The following TP53BP2 variants were observed in gnomAD, a reference collection of about 807,000 sequenced individuals.
TP53BP2 encodes tumor protein p53 binding protein 2.
In TP53BP2, 62 loss-of-function variants were observed where a neutral mutation model predicts 126.2. The observed-to-expected ratio is 0.49, with a 90% CI of 0.40 to 0.61. The LOEUF (loss-of-function observed/expected upper bound fraction) is 0.61, where lower values mean the gene tolerates loss of function less well. TP53BP2 is among the 20% of genes least tolerant of loss of function. The probability of loss-of-function intolerance (pLI) is 0.00; values close to 1 mark genes in which losing one functional copy is unlikely to be tolerated. For synonymous variants in TP53BP2, 485 were observed against 502.9 expected (o/e 0.96, Z 0.48); for missense variants, 1,215 against 1,402.8 (o/e 0.87, Z 2.14).
At chr1:223,845,367 T>C (rs1664231222) in intron 1 of TP53BP2, 1 of 619,276 alleles carries the variant, frequency 1.6e-6, no homozygotes. Flanking sequence ...ACGAAAAGTT[T>C]GAGTGGCTGC....
intron 4 of TP53BP2, among the ~76,000 whole-genome samples, chr1:223,807,260 T>G (rs1347708092): frequency 6.6e-6 from 1 of 152,216 alleles, no homozygotes; most frequent in Non-Finnish European, 1.5e-5. Context: ...TTCTGTAATT[T>G]ATATTACAAC....
At position 223,797,762 on chromosome 1, in the gene TP53BP2, C is replaced by CAT. The variant is rs139552611; in HGVS notation, c.1948+451_1948+452dup. Reference sequence around the variant, plus strand: ...ACAGACACACACATACAGAGACACACATATATATATGTGTGTGATGTGTGT... The same window carrying CAT: ...ACAGACACACACATACAGAGACACACATATATATATATGTGTGTGATGTGTGT... On this transcript the variant is annotated intron_variant, in intron 12 of 17. Coordinates refer to ENST00000343537, the MANE Select transcript of TP53BP2 (RefSeq NM_001031685.3). 4.6e-3 allele frequency among the ~76,000 whole-genome samples: 689 copies of CAT among 150,416 alleles called. 27 individuals carry two copies. The East Asian group carries it at 0.1, about 23-fold the overall frequency.
chr1:223,832,627 C>T (rs1663780100), intron 1 of TP53BP2, among the ~76,000 whole-genome samples: 1 of 152,190 alleles, frequency 6.6e-6, no homozygotes. Flanking sequence ...AACTCATACA[C>T]AGCCATTTAG....
At chr1:223,843,950 C>T (rs1664188334) in intron 1 of TP53BP2, among the ~76,000 whole-genome samples, 1 of 152,132 alleles carries the variant, frequency 6.6e-6, no homozygotes, top group South Asian at 2.1e-4. Context: ...GTTTATCTAC[C>T]GCCTATTGCA....
rs188541549 is a variant in TP53BP2 at position 223,838,779 on chromosome 1, C to T, written c.27+6875G>A. Among the ~76,000 whole-genome samples, 8 of 152,364 alleles carry T rather than the reference C, an allele frequency of 5.3e-5. No individual in the cohort carries two copies. In the East Asian group the frequency reaches 1.3e-3, roughly 26 times the overall value. On this transcript the variant is annotated intron_variant, in intron 1 of 17. Coordinates refer to ENST00000343537, the MANE Select transcript of TP53BP2 (RefSeq NM_001031685.3). ...TATCATCTCAGGAAAGACTACTCAA[C>T]ACCCCTCATACAAAAGCTAATTATC...
At chr1:223,820,934 G>C in intron 2 of TP53BP2, 1 of 432,834 alleles carries the variant, frequency 2.3e-6, no homozygotes, top group South Asian at 2.7e-5. Flanking sequence ...ATTAAGTAAA[G>C]CTTACACATA....
intron 1 of TP53BP2, among the ~76,000 whole-genome samples, chr1:223,833,598 G>C (rs546334039): frequency 2.8e-4 from 43 of 152,094 alleles, no homozygotes; most frequent in Non-Finnish European, 5.4e-4. Context: ...ATAGATGTCT[G>C]GTAAAAGAAC....
chr1:223,783,662 T>C (rs551946086), intron 17 of TP53BP2, among the ~76,000 whole-genome samples: 18 of 152,340 alleles, frequency 1.2e-4, no homozygotes, highest in African/African-American at 3.4e-4. Context: ...AGCAGTCCCA[T>C]TGTACTACAC....
intron 1 of TP53BP2, among the ~76,000 whole-genome samples, chr1:223,837,011 A>C (rs1430937863): frequency 6.6e-6 from 1 of 152,184 alleles, no homozygotes; most frequent in African/African-American, 2.4e-5. Context: ...AGCAGTTATT[A>C]TCTAGATTTT....
intron 1 of TP53BP2, among the ~76,000 whole-genome samples, chr1:223,840,468 C>CTGTTCTTCTTA (rs1278818693): frequency 6.6e-6 from 1 of 152,206 alleles, no homozygotes; most frequent in East Asian, 1.9e-4. Context: ...CTCTTAATTC[C>CTGTTCTTCTTA]TGTTCTTCTT....
chr1:223,797,993 T>G (rs1047443516), intron 12 of TP53BP2, among the ~76,000 whole-genome samples: 9 of 152,110 alleles, frequency 5.9e-5, no homozygotes, highest in Non-Finnish European at 1.3e-4. Context: ...CCCTCCAGAC[T>G]TGAGACCACA....
chr1:223,830,584 T>G (rs1180827967), intron 1 of TP53BP2, among the ~76,000 whole-genome samples: 2 of 149,424 alleles, frequency 1.3e-5, no homozygotes, highest in African/African-American at 4.9e-5. Flanking sequence ...TGCCTGAAGA[T>G]TTTCACTATA....
chr1:223,822,936 T>C (rs61823583), intron 1 of TP53BP2, among the ~76,000 whole-genome samples: 17,065 of 152,112 alleles, frequency 0.11, 1,176 homozygotes, highest in African/African-American at 0.2. Context: ...TAAAAAATAA[T>C]AATTTGAAAG....
rs1157082703 is a variant in TP53BP2 at position 223,831,466 on chromosome 1, T to TA, written c.28-10100dup. Among the ~76,000 whole-genome samples the TA allele has an allele frequency of 6.2e-3, 271 of 43,616 alleles. 8 individuals carry two copies. Among genetic ancestry groups the TA allele is most frequent in the South Asian group, 0.014 (15 of 1,070 alleles). 28.6% of individuals were successfully genotyped at this position (43,616 alleles called of 152,430 possible). A position where few individuals can be genotyped will look rare whatever the true frequency, so the allele number is the denominator to read the frequency against. The stretch of plus-strand genomic sequence containing the variant: ...CACATGCACACACATATGTACCATC[T>TA]AAAAAAAAAAAAAAATATATATATA... On this transcript the variant is annotated intron_variant, in intron 1 of 17. Coordinates refer to ENST00000343537, the MANE Select transcript of TP53BP2 (RefSeq NM_001031685.3).
At chr1:223,819,013 G>A (rs547604647) in intron 2 of TP53BP2, among the ~76,000 whole-genome samples, 27 of 151,578 alleles carry the variant, frequency 1.8e-4, no homozygotes, top group Non-Finnish European at 2.9e-4. Context: ...GAGAAAGCCC[G>A]TCTCTACTAA....
chr1:223,792,507 G>A lies in TP53BP2; in HGVS notation c.2878C>T (p.Leu960Phe), dbSNP rs1368662015. 1 of 1,613,886 alleles carries A rather than the reference G, an allele frequency of 6.2e-7. No individual in the cohort carries two copies. Among genetic ancestry groups the A allele is most frequent in the East Asian group, 2.2e-5 (1 of 44,882 alleles). ...RIIYEVDDPS[L>F]PNDEGITALH... ...GCCGTGATGCCTTCATCATTGGGGAGGCTTGGGTCATCAACCTATATCAAG... is the reference window on the plus strand; with the variant it reads ...GCCGTGATGCCTTCATCATTGGGGAAGCTTGGGTCATCAACCTATATCAAG... The change falls in exon 15 of 18, where the codon CTC (leucine) becomes TTC (phenylalanine). Residue 960 changes from leucine (L) to phenylalanine (F), a missense_variant. This residue lies in a region of TP53BP2 where 151 missense variants were observed against 231.2 expected (regional missense o/e 0.65). Transcript: ENST00000343537.
rs1258910529 is a variant in TP53BP2, at chr1:223,831,479, AAATATATATATATATATAT to A, written c.28-10131_28-10113del. Among the ~76,000 whole-genome samples, 9 of 46,164 alleles carry A rather than the reference AAATATATATATATATATAT, an allele frequency of 1.9e-4. 1 individual carries two copies. The highest frequency in any genetic ancestry group is 8.0e-4 in the African/African-American group (8 of 10,004). 30.3% of individuals were successfully genotyped at this position (46,164 alleles called of 152,430 possible). On this transcript the variant is annotated intron_variant, in intron 1 of 17. Transcript: ENST00000343537. The stretch of plus-strand genomic sequence containing the variant: ...ATATGTACCATCTAAAAAAAAAAAA[AAATATATATATATATATAT>A]ATATATATATATATATATACTGACC...
At chr1:223,784,901 A>C (rs984048943) in intron 16 of TP53BP2, among the ~76,000 whole-genome samples, 2 of 152,230 alleles carry the variant, frequency 1.3e-5, no homozygotes, top group Admixed American at 6.5e-5. Flanking sequence ...ATCAACTCTA[A>C]TATAGTAAGA....
intron 4 of TP53BP2, among the ~76,000 whole-genome samples, chr1:223,809,119 G>C (rs1334657338): frequency 6.6e-6 from 1 of 152,044 alleles, no homozygotes; most frequent in African/African-American, 2.4e-5. Context: ...TGTTGCCCAG[G>C]CTAGCCTCAA....
Sources: gnomAD v4.1 joint callset for allele counts (sites outside exome capture counted in the v4.1 genomes callset) on GRCh38, gnomAD v4.1.1 for gene constraint, gnomAD v4.1.1 regional missense constraint, MANE v1.5 for transcripts, NCBI Gene and HGNC (gene_info 2026-07-23, HGNC 2026-07-21) for gene names.